The following RNF111 variants were observed in gnomAD, a reference collection of about 807,000 sequenced individuals.
RNF111 encodes the protein ring finger protein 111, also known as E3 ubiquitin-protein ligase Arkadia.
In RNF111, 17 loss-of-function variants were observed where a neutral mutation model predicts 95.1. The observed-to-expected ratio is 0.18, with a 90% CI of 0.12 to 0.27. The LOEUF is 0.27. Ranked by LOEUF, RNF111 falls within the 10% of genes least tolerant of loss-of-function variation. The probability of loss-of-function intolerance (pLI) is 1.00; values close to 1 mark genes in which losing one functional copy is unlikely to be tolerated. For synonymous variants in RNF111, 440 were observed against 414.8 expected, an observed-to-expected ratio of 1.06 and a Z score of -0.74; for missense variants, 1,189 against 1,210.4, an observed-to-expected ratio of 0.98 and a Z score of 0.26.
intron 2 of RNF111, among the ~76,000 whole-genome samples, chr15:59,042,237 C>G (rs2041499457): frequency 6.6e-6 from 1 of 152,070 alleles, no homozygotes; most frequent in South Asian, 2.1e-4. Flanking sequence ...AGCAATCCTC[C>G]CACCTCAGCC....
chr15:59,058,815 C>A, intron 5 of RNF111: 1 of 382,954 alleles, frequency 2.6e-6, no homozygotes, highest in Non-Finnish European at 4.8e-6. Context: ...GCATGAGCAA[C>A]AAAAGCAAAA....
At chr15:59,019,293 T>C (rs531034117) in intron 1 of RNF111, among the ~76,000 whole-genome samples, 5 of 152,212 alleles carry the variant, frequency 3.3e-5, no homozygotes, top group Admixed American at 2.6e-4. Context: ...AATGAGAAAA[T>C]GCAAACAATA....
At chr15:59,040,149 C>T (rs1259547997) in intron 2 of RNF111, among the ~76,000 whole-genome samples, 1 of 151,692 alleles carries the variant, frequency 6.6e-6, no homozygotes, top group African/African-American at 2.4e-5. Context: ...CGGTCTCACT[C>T]TGTTGCCTAG....
chr15:59,080,824 T>C (rs1484947672), intron 7 of RNF111, 112 bp from the exon 8 acceptor site: 3 of 828,162 alleles, frequency 3.6e-6, no homozygotes, highest in Admixed American at 2.9e-5. Flanking sequence ...TGATAAAGTA[T>C]TCATAAAAAT....
chr15:58,997,576 T>G (rs1225619357), intron 1 of RNF111, among the ~76,000 whole-genome samples: 1 of 151,258 alleles, frequency 6.6e-6, no homozygotes, highest in African/African-American at 2.4e-5. Flanking sequence ...CCCAGCACTT[T>G]GGGAGGCTGA....
chr15:59,028,211 C>T (rs1307223352), intron 1 of RNF111, among the ~76,000 whole-genome samples: 1 of 152,168 alleles, frequency 6.6e-6, no homozygotes, highest in African/African-American at 2.4e-5. Context: ...TTGCCTATTC[C>T]AGACATTCCA....
intron 1 of RNF111, among the ~76,000 whole-genome samples, chr15:59,009,223 T>A (rs1327535105): frequency 6.6e-6 from 1 of 152,176 alleles, no homozygotes; most frequent in Non-Finnish European, 1.5e-5. Context: ...CCTTTCAAAG[T>A]GCTGGGATTA....
At chr15:59,019,852 G>T (rs1045777203) in intron 1 of RNF111, among the ~76,000 whole-genome samples, 2 of 151,942 alleles carry the variant, frequency 1.3e-5, no homozygotes, top group Admixed American at 6.6e-5. Flanking sequence ...CTAGCTGCTC[G>T]GGAGGCTGAG....
intron 10 of RNF111, among the ~76,000 whole-genome samples, chr15:59,086,278 C>T (rs181818855): frequency 1.3e-5 from 2 of 152,188 alleles, no homozygotes; most frequent in Admixed American, 1.3e-4. Context: ...TGCCACCATG[C>T]CTGGCTAATT....
chr15:59,083,285 T>C (rs182294831), intron 8 of RNF111, among the ~76,000 whole-genome samples: 3 of 152,266 alleles, frequency 2.0e-5, no homozygotes, highest in African/African-American at 7.2e-5. Context: ...CATTGGCTCA[T>C]GTCTGTAATC....
chr15:59,020,998 G>T (rs538869708), intron 1 of RNF111, among the ~76,000 whole-genome samples: 1 of 152,238 alleles, frequency 6.6e-6, no homozygotes, highest in East Asian at 1.9e-4. Flanking sequence ...TGATTTCTGA[G>T]ATTTTGGTGC....
At chr15:59,033,888 A>G (rs1241585789) in intron 2 of RNF111, among the ~76,000 whole-genome samples, 2 of 152,222 alleles carry the variant, frequency 1.3e-5, no homozygotes, top group Admixed American at 1.3e-4. Flanking sequence ...GAAACCAAGT[A>G]CATTCAATGT....
chr15:59,071,139 T>C (rs1316442890), intron 6 of RNF111, among the ~76,000 whole-genome samples: 1 of 150,116 alleles, frequency 6.7e-6, no homozygotes, highest in Non-Finnish European at 1.5e-5. Flanking sequence ...CTACTAAGTA[T>C]ACAAAAAAAG....
chr15:59,013,843 T>C (rs553652287), intron 1 of RNF111, among the ~76,000 whole-genome samples: 2 of 152,050 alleles, frequency 1.3e-5, no homozygotes, highest in South Asian at 4.2e-4. Flanking sequence ...GGCTGGAGTA[T>C]AGTGGTGCTT....
At chr15:59,068,543 T>C (rs149405820) in intron 6 of RNF111, among the ~76,000 whole-genome samples, 227 of 151,864 alleles carry the variant, frequency 1.5e-3, no homozygotes, top group African/African-American at 5.4e-3. Flanking sequence ...GAGGTGGAGG[T>C]TGTAGTGAGC....
intron 4 of RNF111, among the ~76,000 whole-genome samples, chr15:59,057,546 C>A (rs1287672701): frequency 6.6e-6 from 1 of 152,112 alleles, no homozygotes; most frequent in Non-Finnish European, 1.5e-5. Flanking sequence ...CTACCGTTCT[C>A]AATTTTAAGC....
chr15:59,078,603 A>G (rs1305209558), intron 7 of RNF111, among the ~76,000 whole-genome samples: 3 of 151,558 alleles, frequency 2.0e-5, no homozygotes, highest in African/African-American at 7.3e-5. Context: ...CACGCCTGTA[A>G]TCCCAGCACT....
At chr15:59,041,445 C>G (rs1397015677) in intron 2 of RNF111, among the ~76,000 whole-genome samples, 1 of 152,008 alleles carries the variant, frequency 6.6e-6, no homozygotes, top group East Asian at 1.9e-4. Flanking sequence ...CCCAGCTACT[C>G]AAGAGGCTGA....
chr15:59,093,820 C>T (rs561580075), intron 13 of RNF111, among the ~76,000 whole-genome samples: 3 of 152,050 alleles, frequency 2.0e-5, no homozygotes, highest in Admixed American at 1.3e-4. Context: ...GTCTACCATA[C>T]GACAAATAAG....
Sources: allele counts gnomAD v4.1 joint callset (sites outside exome capture counted in the v4.1 genomes callset), GRCh38; gene constraint gnomAD v4.1.1; transcripts MANE v1.5; gene names NCBI Gene and HGNC (gene_info 2026-07-23, HGNC 2026-07-21).